The following PEPD variants were observed in gnomAD, a reference collection of about 807,000 sequenced individuals.
PEPD encodes the protein xaa-Pro dipeptidase.
PEPD carries 53 observed loss-of-function variants against 60.7 expected under a neutral mutation model. The ratio of observed to expected loss-of-function variants is 0.87; its 90% CI spans 0.70 to 1.10. PEPD has a LOEUF of 1.10. PEPD is among the 50% of genes least tolerant of loss of function. The probability of loss-of-function intolerance (pLI) is 0.00; values close to 1 mark genes in which losing one functional copy is unlikely to be tolerated. For synonymous variants in PEPD, 267 were observed against 284.1 expected (o/e 0.94, Z 0.60); for missense variants, 711 against 711.9 (o/e 1.00, Z 0.01).
chr19:33,427,926 T>C (rs1392558953), intron 9 of PEPD, among the ~76,000 whole-genome samples: 1 of 152,146 alleles, frequency 6.6e-6, no homozygotes, highest in Admixed American at 6.5e-5. Flanking sequence ...CGGAGATCCG[T>C]GCAGCAGTGA....
chr19:33,512,756 T>C lies in PEPD; in HGVS notation c.38A>G (p.Asn13Ser). 1 of 1,614,064 alleles carries C rather than the reference T, an allele frequency of 6.2e-7. No individual in the cohort carries two copies. The highest frequency in any genetic ancestry group is 1.1e-5 in the South Asian group (1 of 91,086). Residue 13 changes from asparagine (N) to serine (S), a missense_variant, in exon 2 of 15, where the codon AAT becomes AGT. Physicochemically the swap from Asn to Ser is conservative, Grantham distance 46. Coordinates refer to ENST00000244137, the MANE Select transcript of PEPD (RefSeq NM_000285.4). ...CGCCAGCGGCACCTTCAGGGTTTCA[T>C]TCCCCAGCCAAAACGAGGGTCTGCA... Reference protein sequence around the residue: ...AATGPSFWLGNETLKVPLALF... With the variant: ...AATGPSFWLGSETLKVPLALF...
intron 1 of PEPD, among the ~76,000 whole-genome samples, chr19:33,519,837 G>A (rs999148525): frequency 2.0e-5 from 3 of 152,100 alleles, no homozygotes; most frequent in East Asian, 3.9e-4. Context: ...AGGCGGAGGC[G>A]GGTGGATCAC....
chr19:33,487,597 G>C (rs1020039274), intron 6 of PEPD, among the ~76,000 whole-genome samples: 3 of 149,028 alleles, frequency 2.0e-5, no homozygotes, highest in South Asian at 2.1e-4. Flanking sequence ...CACCCGGGGT[G>C]GGGGGCAGTG....
At chr19:33,445,901 G>C (rs1181062468) in intron 9 of PEPD, among the ~76,000 whole-genome samples, 2 of 152,172 alleles carry the variant, frequency 1.3e-5, no homozygotes, top group Non-Finnish European at 2.9e-5. Flanking sequence ...GCCACAGCCT[G>C]CTGCCCACCA....
At chr19:33,482,091 GGTCA>G (rs1242259401) in intron 6 of PEPD, among the ~76,000 whole-genome samples, 1 of 152,108 alleles carries the variant, frequency 6.6e-6, no homozygotes, top group Non-Finnish European at 1.5e-5. Flanking sequence ...CACTCTACAA[GGTCA>G]GTATTACCTT....
chr19:33,486,532 G>C (rs968453242), intron 6 of PEPD, among the ~76,000 whole-genome samples: 16 of 151,938 alleles, frequency 1.1e-4, no homozygotes, highest in Admixed American at 1.3e-4. Flanking sequence ...GGGTCTCTCT[G>C]GCCGTGTGCA....
At chr19:33,391,044 AC>A (rs1027078152) in intron 13 of PEPD, among the ~76,000 whole-genome samples, 35 of 152,090 alleles carry the variant, frequency 2.3e-4, no homozygotes, top group African/African-American at 8.5e-4. Context: ...GACAGGTGAC[AC>A]CTGGGCCCAG....
chr19:33,517,640 C>T (rs1365672553), intron 1 of PEPD, among the ~76,000 whole-genome samples: 1 of 151,848 alleles, frequency 6.6e-6, no homozygotes, highest in African/African-American at 2.4e-5. Context: ...GTGGGGTCTA[C>T]CGCACAGACA....
chr19:33,473,979 G>A (rs929787037), intron 7 of PEPD, among the ~76,000 whole-genome samples: 1 of 152,246 alleles, frequency 6.6e-6, no homozygotes, highest in East Asian at 1.9e-4. Context: ...GAGTTTGCCT[G>A]TGCTAGGAGA....
chr19:33,479,981 C>T (rs116124220), intron 6 of PEPD, among the ~76,000 whole-genome samples: 341 of 152,290 alleles, frequency 2.2e-3, no homozygotes, highest in Admixed American at 3.7e-3. Flanking sequence ...TAGGTCTTTG[C>T]GGAATTGCCA....
intron 7 of PEPD, among the ~76,000 whole-genome samples, chr19:33,469,268 C>T (rs1179688460): frequency 6.6e-6 from 1 of 152,212 alleles, no homozygotes; most frequent in Non-Finnish European, 1.5e-5. Flanking sequence ...CAGGCTCGGC[C>T]TGTGCCTGCT....
chr19:33,504,446 C>T (rs561494519), intron 3 of PEPD, among the ~76,000 whole-genome samples: 4 of 152,298 alleles, frequency 2.6e-5, no homozygotes, highest in African/African-American at 4.8e-5. Context: ...CAGGCCCCAT[C>T]GCATGGGAAG....
intron 12 of PEPD, among the ~76,000 whole-genome samples, chr19:33,393,838 C>T (rs1373594936): frequency 6.6e-6 from 1 of 152,030 alleles, no homozygotes; most frequent in East Asian, 1.9e-4. Context: ...GGCCAGACCA[C>T]CCCAAGGCAC....
intron 12 of PEPD, among the ~76,000 whole-genome samples, chr19:33,399,051 T>C (rs1968430340): frequency 6.6e-6 from 1 of 152,190 alleles, no homozygotes; most frequent in South Asian, 2.1e-4. Flanking sequence ...TGGTGTGATC[T>C]TGGCTCACTG....
At chr19:33,396,893 C>T (rs1337600244) in intron 12 of PEPD, among the ~76,000 whole-genome samples, 1 of 152,148 alleles carries the variant, frequency 6.6e-6, no homozygotes, top group Non-Finnish European at 1.5e-5. Flanking sequence ...AGCCTTCCTG[C>T]TGTGGCTGTG....
At chr19:33,493,725 C>T (rs551821170) in intron 4 of PEPD, among the ~76,000 whole-genome samples, 10 of 152,136 alleles carry the variant, frequency 6.6e-5, no homozygotes, top group Non-Finnish European at 1.0e-4. Context: ...TCCAGGCCTA[C>T]CAGCCTCTGG....
In PEPD at chr19:33,401,575, C is replaced by T. The variant is rs876563; in HGVS notation, c.967+146G>A. Reference sequence around the variant, plus strand: ...CCTAGGAGTGACCCTGGAGACCTGACGCCACTGGAATCTCAGGGACTAAGC... The same window carrying T: ...CCTAGGAGTGACCCTGGAGACCTGATGCCACTGGAATCTCAGGGACTAAGC... On this transcript the variant is annotated intron_variant, in intron 12 of 14. Coordinates refer to ENST00000244137, the MANE Select transcript of PEPD (RefSeq NM_000285.4). The T allele has an allele frequency of 0.17, 131,245 of 783,148 alleles. 11,316 individuals are homozygous for T. Among genetic ancestry groups the T allele is most frequent in the Non-Finnish European group, 0.18 (82,485 of 466,980 alleles). The allele number at this position is 783,148 out of a possible 1,614,324, so 48.5% of individuals were successfully genotyped here.
intron 1 of PEPD, among the ~76,000 whole-genome samples, chr19:33,514,905 T>G (rs1970997918): frequency 6.6e-6 from 1 of 152,066 alleles, no homozygotes; most frequent in Non-Finnish European, 1.5e-5. Context: ...CGCACAGCTC[T>G]GTGTATCGTC....
intron 8 of PEPD, 98 bp downstream of exon 8, chr19:33,463,889 G>T (rs1390436572): frequency 5.0e-6 from 4 of 798,642 alleles, no homozygotes; most frequent in South Asian, 1.4e-5. Context: ...GGCCCTCAGG[G>T]ATTAGAGCCC....
Sources: allele counts gnomAD v4.1 joint callset (sites outside exome capture counted in the v4.1 genomes callset), GRCh38; gene constraint gnomAD v4.1.1; transcripts MANE v1.5; gene names NCBI Gene and HGNC (gene_info 2026-07-23, HGNC 2026-07-21).